NAV2: variants seen among roughly 807,000 people sequenced by gnomAD.
NAV2 encodes neuron navigator 2, also known as helicase, APC down-regulated 1.
In NAV2, 54 loss-of-function variants were observed where a neutral mutation model predicts 223.2. The observed-to-expected ratio is 0.24, with a 90% CI of 0.19 to 0.30. The LOEUF (loss-of-function observed/expected upper bound fraction) is 0.30, where lower values mean the gene tolerates loss of function less well. Ranked by LOEUF, NAV2 falls within the 10% of genes least tolerant of loss-of-function variation. The probability of loss-of-function intolerance (pLI) is 1.00; values close to 1 mark genes in which losing one functional copy is unlikely to be tolerated. For synonymous variants in NAV2, 1,279 were observed against 1,239.3 expected (o/e 1.03, Z -0.67); for missense variants, 2,806 against 3,147.5 (o/e 0.89, Z 2.60).
At chr11:19,878,407 C>T (rs1167535855) in intron 4 of NAV2, among the ~76,000 whole-genome samples, 1 of 152,126 alleles carries the variant, frequency 6.6e-6, no homozygotes, top group African/African-American at 2.4e-5. Flanking sequence ...GCAAAACAAC[C>T]TTGTGCAGTG....
intron 1 of NAV2, among the ~76,000 whole-genome samples, chr11:19,525,527 G>A (rs1305066132): frequency 2.6e-5 from 4 of 152,198 alleles, no homozygotes; most frequent in Non-Finnish European, 4.4e-5. Flanking sequence ...GTGTTGACAA[G>A]TCTGTGTGCC....
chr11:19,537,554 G>A (rs2044224668), intron 1 of NAV2, among the ~76,000 whole-genome samples: 1 of 152,216 alleles, frequency 6.6e-6, no homozygotes, highest in Non-Finnish European at 1.5e-5. Flanking sequence ...TGCAGTGGAA[G>A]CTGACAGTCA....
At chr11:19,851,439 C>T (rs928205504) in intron 3 of NAV2, among the ~76,000 whole-genome samples, 34 of 152,130 alleles carry the variant, frequency 2.2e-4, no homozygotes, top group Admixed American at 1.0e-3. Flanking sequence ...GAAGAATAAG[C>T]ATGGGCTCTG....
At chr11:19,909,450 G>A (rs974534799) in intron 6 of NAV2, among the ~76,000 whole-genome samples, 6 of 152,170 alleles carry the variant, frequency 3.9e-5, no homozygotes, top group East Asian at 1.9e-4. Context: ...TGCCTGAGAC[G>A]TTTATCTTTC....
chr11:20,042,588 G>A (rs1279115225), intron 12 of NAV2, among the ~76,000 whole-genome samples: 1 of 152,146 alleles, frequency 6.6e-6, no homozygotes, highest in Admixed American at 6.5e-5. Context: ...GTGGTGTTGG[G>A]GAGGCGATTG....
chr11:19,617,263 A>G (rs1422496915), intron 1 of NAV2, among the ~76,000 whole-genome samples: 1 of 152,262 alleles, frequency 6.6e-6, no homozygotes, highest in East Asian at 1.9e-4. Flanking sequence ...ACTTGAGGGT[A>G]ATTTCTCATG....
chr11:19,387,992 G>A (rs1285936425), intron 1 of NAV2, among the ~76,000 whole-genome samples: 4 of 152,130 alleles, frequency 2.6e-5, no homozygotes, highest in African/African-American at 7.2e-5. Flanking sequence ...AGAGTCCCAG[G>A]ATCTTCCCCA....
At chr11:20,009,471 G>C (rs1432372154) in intron 11 of NAV2, among the ~76,000 whole-genome samples, 1 of 152,150 alleles carries the variant, frequency 6.6e-6, no homozygotes, top group Non-Finnish European at 1.5e-5. Flanking sequence ...GCTTTCCATG[G>C]GGTGGACATC....
intron 6 of NAV2, among the ~76,000 whole-genome samples, chr11:19,931,544 G>T: frequency 6.9e-6 from 1 of 144,476 alleles, no homozygotes; most frequent in East Asian, 2.1e-4. Context: ...ATAAAAAGCC[G>T]CTCTATATAC....
At chr11:19,560,290 C>T (rs2045050751) in intron 1 of NAV2, among the ~76,000 whole-genome samples, 1 of 152,176 alleles carries the variant, frequency 6.6e-6, no homozygotes, top group Admixed American at 6.5e-5. Context: ...CCCAGGTTAT[C>T]AGCTATTGAG....
intron 1 of NAV2, among the ~76,000 whole-genome samples, chr11:19,482,474 C>T (rs1253777311): frequency 1.3e-5 from 2 of 152,174 alleles, no homozygotes; most frequent in Non-Finnish European, 1.5e-5. Flanking sequence ...CAGTTTTCCA[C>T]GAGTCAAGCC....
chr11:19,977,805 T>C (rs7107900), intron 10 of NAV2, among the ~76,000 whole-genome samples: 6,221 of 141,668 alleles, frequency 0.044, 387 homozygotes, highest in African/African-American at 0.15. Context: ...TTTCTTTTTT[T>C]TTTTTTTTTT....
At chr11:19,418,946 C>T (rs2702738) in intron 1 of NAV2, among the ~76,000 whole-genome samples, 112,190 of 151,912 alleles carry the variant, frequency 0.74, 41,645 homozygotes, top group African/African-American at 0.82. Context: ...CATAGATGAC[C>T]TGTAGGCTTA....
intron 10 of NAV2, among the ~76,000 whole-genome samples, chr11:19,958,560 C>T (rs956661847): frequency 6.6e-6 from 1 of 152,128 alleles, no homozygotes; most frequent in African/African-American, 2.4e-5. Context: ...AGCTGTGTGT[C>T]CTTTAGTAAC....
intron 3 of NAV2, among the ~76,000 whole-genome samples, chr11:19,856,047 C>G (rs2061394101): frequency 6.6e-6 from 1 of 152,156 alleles, no homozygotes; most frequent in Non-Finnish European, 1.5e-5. Context: ...ATGAAATGAC[C>G]AATATTTAAC....
At chr11:19,797,105 T>C (rs980960503) in intron 1 of NAV2, among the ~76,000 whole-genome samples, 3 of 152,128 alleles carry the variant, frequency 2.0e-5, no homozygotes, top group Non-Finnish European at 4.4e-5. Flanking sequence ...AGTGATGTGA[T>C]GGAGGCATGT....
At chr11:19,680,030 G>A (rs1315256799) in intron 1 of NAV2, among the ~76,000 whole-genome samples, 1 of 152,180 alleles carries the variant, frequency 6.6e-6, no homozygotes, top group Non-Finnish European at 1.5e-5. Flanking sequence ...GGCACAGTGG[G>A]CCATCCCATT....
At chr11:19,749,877 C>A (rs145299883) in intron 1 of NAV2, among the ~76,000 whole-genome samples, 287 of 152,346 alleles carry the variant, frequency 1.9e-3, no homozygotes, top group African/African-American at 6.3e-3. Flanking sequence ...GAGAGGCCTG[C>A]CTCACGTCTA....
At chr11:19,789,467 G>C (rs1165809562) in intron 1 of NAV2, among the ~76,000 whole-genome samples, 1 of 152,176 alleles carries the variant, frequency 6.6e-6, no homozygotes, top group East Asian at 1.9e-4. Context: ...TATTGTTATT[G>C]TTAGCTTATA....
Sources: gnomAD v4.1 joint callset for allele counts (sites outside exome capture counted in the v4.1 genomes callset) on GRCh38, gnomAD v4.1.1 for gene constraint, MANE v1.5 for transcripts, NCBI Gene and HGNC (gene_info 2026-07-23, HGNC 2026-07-21) for gene names.